Variants in FRMD4B observed in about 807,000 individuals in gnomAD.
The protein encoded by FRMD4B is FERM domain-containing protein 4B.
In FRMD4B, 74 loss-of-function variants were observed where a neutral mutation model predicts 141.5. The observed-to-expected ratio is 0.52, with a 90% CI of 0.43 to 0.63. The LOEUF is 0.63. FRMD4B is among the 30% of genes least tolerant of loss of function. FRMD4B has a pLI of 0.00. For synonymous variants in FRMD4B, 506 were observed against 467.9 expected, an observed-to-expected ratio of 1.08 and a Z score of -1.05; for missense variants, 1,366 against 1,253.4, an observed-to-expected ratio of 1.09 and a Z score of -1.36.
At chr3:69,470,336 C>G (rs1186220847) in intron 1 of FRMD4B, among the ~76,000 whole-genome samples, 1 of 152,062 alleles carries the variant, frequency 6.6e-6, no homozygotes, top group Non-Finnish European at 1.5e-5. Context: ...TCTTTTCATT[C>G]CAAATGACTC....
At chr3:69,266,518 G>T (rs1342778849) in intron 5 of FRMD4B, among the ~76,000 whole-genome samples, 1 of 152,060 alleles carries the variant, frequency 6.6e-6, no homozygotes, top group African/African-American at 2.4e-5. Context: ...TAGAGATGGG[G>T]TTTTGCCACT....
rs572121431 is a variant in FRMD4B, at chr3:69,431,855, T to G, written c.-1+779A>C. ...TGCTGTTCCTAACTGTTGCACATTT[T>G]ACTCACGTGCAGTTCATAGTTGTGC... On this transcript the variant is annotated intron_variant, in intron 2 of 5. Coordinates refer to the FRMD4B transcript ENST00000459638. Among the ~76,000 whole-genome samples the G allele has an allele frequency of 8.7e-4, 132 of 152,358 alleles. 1 individual carries two copies. The highest frequency in any genetic ancestry group is 1.5e-3 in the Non-Finnish European group (103 of 68,028).
In FRMD4B at chr3:69,323,705, G is replaced by A. The variant is rs1269699305; in HGVS notation, c.163-10188C>T. On this transcript the variant is annotated intron_variant, in intron 1 of 22. Coordinates refer to ENST00000398540, the MANE Select transcript of FRMD4B (RefSeq NM_015123.3). ...CTCTGTAAGGTGGATTCCATTACTA[G>A]CTTCATTTTATGGATGAGAAAATTG... Among the ~76,000 whole-genome samples the A allele has an allele frequency of 5.7e-5, 8 of 140,852 alleles. No homozygotes were observed. In the Admixed American group the frequency reaches 5.9e-4, roughly 10 times the overall value. 92.4% of individuals were successfully genotyped at this position (140,852 alleles called of 152,430 possible). A position where few individuals can be genotyped will look rare whatever the true frequency, so the allele number is the denominator to read the frequency against.
intron 1 of FRMD4B, among the ~76,000 whole-genome samples, chr3:69,358,921 G>T (rs573481382): frequency 1.0e-3 from 159 of 152,250 alleles, no homozygotes; most frequent in African/African-American, 3.7e-3. Context: ...CTTCAGCCAT[G>T]GGATGACCCT....
At chr3:69,505,819 T>C (rs1405686843) in intron 1 of FRMD4B, among the ~76,000 whole-genome samples, 1 of 152,180 alleles carries the variant, frequency 6.6e-6, no homozygotes, top group African/African-American at 2.4e-5. Flanking sequence ...CTGGGTGAAA[T>C]CTACTCACAC....
chr3:69,501,919 T>C (rs369847380), intron 1 of FRMD4B, among the ~76,000 whole-genome samples: 5 of 152,058 alleles, frequency 3.3e-5, no homozygotes, highest in Admixed American at 1.3e-4. Context: ...CATGAGTGAA[T>C]TCCCGTTCAC....
intron 1 of FRMD4B, among the ~76,000 whole-genome samples, chr3:69,508,506 G>C (rs1031148436): frequency 2.0e-5 from 3 of 152,158 alleles, no homozygotes; most frequent in Non-Finnish European, 4.4e-5. Context: ...TGAGAATAGG[G>C]GAAGGGAGAA....
chr3:69,229,541 A>G (rs1396805695), intron 7 of FRMD4B, among the ~76,000 whole-genome samples: 1 of 152,202 alleles, frequency 6.6e-6, no homozygotes, highest in East Asian at 1.9e-4. Context: ...TGACTATAAC[A>G]CTAAAAGAGA....
chr3:69,323,902 G>T (rs1014005062), intron 1 of FRMD4B, among the ~76,000 whole-genome samples: 1 of 151,916 alleles, frequency 6.6e-6, no homozygotes, highest in African/African-American at 2.4e-5. Flanking sequence ...TAAATCACAT[G>T]TAGTTTAGGC....
chr3:69,206,332 A>C (rs570839287), intron 11 of FRMD4B, among the ~76,000 whole-genome samples: 15 of 152,200 alleles, frequency 9.9e-5, no homozygotes, highest in Non-Finnish European at 1.6e-4. Flanking sequence ...CCTGGGCGAC[A>C]GAGTGACACT....
At position 69,198,698 on chromosome 3, in the gene FRMD4B, C is replaced by T; in HGVS notation, c.953G>A (p.Arg318Lys). ...ACAGAGAAACGTCTTTGATCCTCAC[C>T]TTCGTGGATCATGAACTTCAACAGC... ...KFAVEVHDPR[R>K]ISVSRRTFGQ... Residue 318 changes from arginine (R) to lysine (K), a missense_variant and splice_region_variant, in exon 12 of 23, where the codon AGG becomes AAG. Transcript: ENST00000398540. 2 of 1,497,772 alleles carry T rather than the reference C, an allele frequency of 1.3e-6. No individual in the cohort carries two copies. The highest frequency in any genetic ancestry group is 2.3e-5 in the East Asian group (1 of 43,256). The allele number at this position is 1,497,772 out of a possible 1,614,324, so 92.8% of individuals were successfully genotyped here. A position where few individuals can be genotyped will look rare whatever the true frequency, so the allele number is the denominator to read the frequency against.
intron 1 of FRMD4B, among the ~76,000 whole-genome samples, chr3:69,448,079 G>C (rs1249672203): frequency 6.6e-6 from 1 of 151,554 alleles, no homozygotes; most frequent in Non-Finnish European, 1.5e-5. Flanking sequence ...GGCCAGGCTG[G>C]AGTGCAGTGT....
In FRMD4B at chr3:69,353,647, G is replaced by A. The variant is rs942108882; in HGVS notation, c.162+32181C>T. The A allele has an allele frequency of 1.0e-5, 10 of 984,042 alleles. No homozygotes were observed. The South Asian group carries it at 1.9e-4, about 19-fold the overall frequency. The allele number at this position is 984,042 out of a possible 1,614,324, so 61.0% of individuals were successfully genotyped here. A position where few individuals can be genotyped will look rare whatever the true frequency, so the allele number is the denominator to read the frequency against. ...TTGTGCGGTGTGTGTGTGTGTGCGC[G>A]CGCGTGTGTGTGCGCGCATGTGCTT... On this transcript the variant is annotated intron_variant, in intron 1 of 22. Coordinates refer to ENST00000398540, the MANE Select transcript of FRMD4B (RefSeq NM_015123.3).
chr3:69,200,074 C>A (rs1399148062), intron 11 of FRMD4B, among the ~76,000 whole-genome samples: 1 of 152,180 alleles, frequency 6.6e-6, no homozygotes, highest in Non-Finnish European at 1.5e-5. Flanking sequence ...ATAGTCTATA[C>A]AATAAGCACT....
chr3:69,285,415 A>AC, intron 5 of FRMD4B, among the ~76,000 whole-genome samples: 1 of 151,232 alleles, frequency 6.6e-6, no homozygotes, highest in Non-Finnish European at 1.5e-5. Flanking sequence ...AAAAAAAAAA[A>AC]CCTGAAGAAA....
chr3:69,274,981 C>T (rs1044228504), intron 5 of FRMD4B, among the ~76,000 whole-genome samples: 6 of 152,104 alleles, frequency 3.9e-5, no homozygotes, highest in African/African-American at 1.4e-4. Flanking sequence ...CAAGGCCTTC[C>T]TATGCTCTTT....
chr3:69,204,298 G>A (rs1294415468), intron 11 of FRMD4B, among the ~76,000 whole-genome samples: 1 of 152,190 alleles, frequency 6.6e-6, no homozygotes, highest in Non-Finnish European at 1.5e-5. Context: ...TTTAAATCTT[G>A]ATGAATTGAA....
chr3:69,530,362 T>A (rs975500906), intron 1 of FRMD4B, among the ~76,000 whole-genome samples: 5 of 152,206 alleles, frequency 3.3e-5, no homozygotes, highest in African/African-American at 9.6e-5. Context: ...CTATTGGTTT[T>A]CACAAGAGCT....
rs572157157 is a variant in FRMD4B at position 69,421,534 on chromosome 3, T to C, written c.-1+11100A>G. ...CCACAATTCAGACTTTTACATAAAGTCTCCCAATCTTTAAGTGTTGGCAAC... is the reference window on the plus strand; with the variant it reads ...CCACAATTCAGACTTTTACATAAAGCCTCCCAATCTTTAAGTGTTGGCAAC... On this transcript the variant is annotated intron_variant, in intron 2 of 5. Transcript: ENST00000459638. Among the ~76,000 whole-genome samples the C allele has an allele frequency of 5.9e-5, 9 of 152,222 alleles. No homozygotes were observed. In the South Asian group the frequency reaches 1.9e-3, roughly 32 times the overall value.
Sources: gnomAD v4.1 joint callset for allele counts (sites outside exome capture counted in the v4.1 genomes callset) on GRCh38, gnomAD v4.1.1 for gene constraint, MANE v1.5 for transcripts, NCBI Gene and HGNC (gene_info 2026-07-23, HGNC 2026-07-21) for gene names.